Variants in JAZF1 observed in about 807,000 individuals in gnomAD.
The protein encoded by JAZF1 is JAZF zinc finger 1.
A neutral mutation model predicts 26.4 loss-of-function variants in JAZF1; 8 were observed. That is an observed-to-expected ratio of 0.30 (90% CI 0.18 to 0.55). JAZF1 has a LOEUF of 0.55. JAZF1 is among the 20% of genes least tolerant of loss of function. The probability of loss-of-function intolerance (pLI) is 0.94; values close to 1 mark genes in which losing one functional copy is unlikely to be tolerated. For missense variants in JAZF1, 199 were observed against 322.0 expected (o/e 0.62, Z 2.92); for synonymous variants, 126 against 122.3 (o/e 1.03, Z -0.20).
intron 2 of JAZF1, among the ~76,000 whole-genome samples, chr7:27,955,845 T>C (rs530292713): frequency 1.3e-5 from 2 of 152,260 alleles, no homozygotes; most frequent in East Asian, 1.9e-4. Context: ...AACCAGACTA[T>C]CTTTAGTGAA....
intron 3 of JAZF1, among the ~76,000 whole-genome samples, chr7:27,870,670 G>T (rs1188086693): frequency 6.6e-6 from 1 of 152,112 alleles, no homozygotes; most frequent in Non-Finnish European, 1.5e-5. Context: ...GTCCAAGCAA[G>T]GGTGGAAGTC....
At chr7:28,108,501 C>T (rs1229401374) in intron 1 of JAZF1, among the ~76,000 whole-genome samples, 1 of 152,218 alleles carries the variant, frequency 6.6e-6, no homozygotes, top group Non-Finnish European at 1.5e-5. Flanking sequence ...CTAACATTCA[C>T]TTGCTCAGTT....
chr7:28,118,961 A>T (rs1470702298), intron 1 of JAZF1, among the ~76,000 whole-genome samples: 2 of 152,234 alleles, frequency 1.3e-5, no homozygotes, highest in East Asian at 3.9e-4. Context: ...TAATAAATAA[A>T]GGCAATGCTG....
chr7:28,156,121 C>T (rs530102422), intron 1 of JAZF1, among the ~76,000 whole-genome samples: 1 of 152,354 alleles, frequency 6.6e-6, no homozygotes, highest in African/African-American at 2.4e-5. Context: ...TACTTAAACA[C>T]CAAATCATCT....
chr7:28,018,007 G>C (rs1020065151), intron 1 of JAZF1, among the ~76,000 whole-genome samples: 1 of 152,158 alleles, frequency 6.6e-6, no homozygotes, highest in African/African-American at 2.4e-5. Flanking sequence ...ACTGATCTCG[G>C]GTGATCCGCC....
At chr7:28,162,960 C>T (rs1273226813) in intron 1 of JAZF1, among the ~76,000 whole-genome samples, 1 of 152,190 alleles carries the variant, frequency 6.6e-6, no homozygotes, top group Non-Finnish European at 1.5e-5. Flanking sequence ...TAAGTTCCTG[C>T]GTCATAAACT....
At chr7:27,896,332 G>C (rs1057437932) in intron 2 of JAZF1, among the ~76,000 whole-genome samples, 1 of 152,046 alleles carries the variant, frequency 6.6e-6, no homozygotes, top group Non-Finnish European at 1.5e-5. Context: ...CCTACCTAAA[G>C]AACATTCACC....
Position 27,864,473 on chromosome 7 carries a change from A to C in JAZF1, c.386-23606T>G, listed in dbSNP as rs944117563. Among the ~76,000 whole-genome samples the C allele has an allele frequency of 1.1e-4, 17 of 151,854 alleles. 1 individual carries two copies. The highest frequency in any genetic ancestry group is 1.5e-4 in the African/African-American group (6 of 41,312). On this transcript the variant is annotated intron_variant, in intron 3 of 4. Transcript: ENST00000283928. The stretch of plus-strand genomic sequence containing the variant: ...CTTCAAAGCAGCCCTCTGCTCACCT[A>C]CTCAGTTTGGAGTCAAAACCCATGG...
In JAZF1 at chr7:28,113,122, C is replaced by T. The variant is rs187673379; in HGVS notation, c.115+67341G>A. ...GAGATGACACAGCCTTGTTGTGCAA[C>T]ATCCAGGTTCGTTCTCAGAGTCCGG... On this transcript the variant is annotated intron_variant, in intron 1 of 4. Transcript: ENST00000283928. Among the ~76,000 whole-genome samples the T allele has an allele frequency of 6.6e-4, 101 of 152,308 alleles. 1 individual carries two copies. Among genetic ancestry groups the T allele is most frequent in the African/African-American group, 2.2e-3 (92 of 41,566 alleles).
chr7:28,029,282 TA>T (rs1783145947), intron 1 of JAZF1, among the ~76,000 whole-genome samples: 1 of 152,204 alleles, frequency 6.6e-6, no homozygotes, highest in South Asian at 2.1e-4. Context: ...GGCAAAATTT[TA>T]GTCAGAAAAC....
chr7:28,011,658 T>C (rs1158424182), intron 1 of JAZF1, among the ~76,000 whole-genome samples: 2 of 152,146 alleles, frequency 1.3e-5, no homozygotes, highest in African/African-American at 4.8e-5. Flanking sequence ...CAGGGAAATA[T>C]CTGCCCAAAA....
chr7:27,956,077 T>G (rs1008410774), intron 2 of JAZF1, among the ~76,000 whole-genome samples: 19 of 152,096 alleles, frequency 1.2e-4, no homozygotes, highest in African/African-American at 4.6e-4. Flanking sequence ...TTGGGTGGGA[T>G]GAGGTAGCAG....
At chr7:28,178,690 C>T (rs1305613440) in intron 1 of JAZF1, among the ~76,000 whole-genome samples, 1 of 152,196 alleles carries the variant, frequency 6.6e-6, no homozygotes, top group East Asian at 1.9e-4. Flanking sequence ...TACTTTCAAG[C>T]ACTTTCAGTT....
chr7:28,060,811 A>C (rs1277472764), intron 1 of JAZF1, among the ~76,000 whole-genome samples: 1 of 152,158 alleles, frequency 6.6e-6, no homozygotes, highest in Non-Finnish European at 1.5e-5. Flanking sequence ...GAGGTTGTAA[A>C]AACCTAAGAG....
At chr7:27,929,961 C>CCCCTCTCT (rs1266781627) in intron 2 of JAZF1, among the ~76,000 whole-genome samples, 1 of 112,990 alleles carries the variant, frequency 8.9e-6, no homozygotes, top group Admixed American at 8.7e-5. Flanking sequence ...TCTCTCTCTC[C>CCCCTCTCT]CCCTCTCTCC....
intron 1 of JAZF1, among the ~76,000 whole-genome samples, chr7:28,032,546 G>A (rs1783210009): frequency 6.6e-6 from 1 of 152,076 alleles, no homozygotes; most frequent in African/African-American, 2.4e-5. Flanking sequence ...CAGCTTAAGA[G>A]TGTCAAGCCC....
At chr7:28,101,829 T>C (rs1421211196) in intron 1 of JAZF1, among the ~76,000 whole-genome samples, 1 of 151,882 alleles carries the variant, frequency 6.6e-6, no homozygotes, top group Non-Finnish European at 1.5e-5. Flanking sequence ...AACAAACAAA[T>C]AAACAAAAAC....
intron 1 of JAZF1, among the ~76,000 whole-genome samples, chr7:28,011,955 C>G (rs1782806925): frequency 6.6e-6 from 1 of 152,050 alleles, no homozygotes; most frequent in African/African-American, 2.4e-5. Context: ...TTTTTTAAAA[C>G]CAAAAAAACT....
At chr7:28,130,190 A>T (rs1007868376) in intron 1 of JAZF1, among the ~76,000 whole-genome samples, 21 of 152,172 alleles carry the variant, frequency 1.4e-4, no homozygotes, top group African/African-American at 4.8e-4. Flanking sequence ...AGGCCTCTGG[A>T]TACATCTACA....
Sources: gnomAD v4.1 joint callset for allele counts (sites outside exome capture counted in the v4.1 genomes callset) on GRCh38, gnomAD v4.1.1 for gene constraint, MANE v1.5 for transcripts, NCBI Gene and HGNC (gene_info 2026-07-23, HGNC 2026-07-21) for gene names.